KCND2: variants seen among roughly 807,000 people sequenced by gnomAD.
KCND2 encodes A-type voltage-gated potassium channel KCND2.
KCND2 carries 16 observed loss-of-function variants against 54.4 expected under a neutral mutation model. That is an observed-to-expected ratio of 0.29 (90% CI 0.20 to 0.45). KCND2 has a LOEUF of 0.45. Among genes scored for constraint, KCND2 ranks in the 20% least tolerant of loss-of-function variants. KCND2 has a pLI of 1.00. For synonymous variants in KCND2, 317 were observed against 310.7 expected, an observed-to-expected ratio of 1.02 and a Z score of -0.21; for missense variants, 486 against 824.2, an observed-to-expected ratio of 0.59 and a Z score of 5.02.
At chr7:120,372,196 C>A (rs1374685763) in intron 1 of KCND2, among the ~76,000 whole-genome samples, 1 of 151,868 alleles carries the variant, frequency 6.6e-6, no homozygotes, top group Non-Finnish European at 1.5e-5. Context: ...TGATGATACT[C>A]TTATAAGTGT....
intron 1 of KCND2, among the ~76,000 whole-genome samples, chr7:120,291,310 C>G (rs1799431963): frequency 6.6e-6 from 1 of 151,858 alleles, no homozygotes; most frequent in South Asian, 2.1e-4. Context: ...GGTCTTAACA[C>G]TTGAGCTCCC....
intron 1 of KCND2, among the ~76,000 whole-genome samples, chr7:120,630,373 GA>G (rs921384285): frequency 3.9e-5 from 6 of 152,080 alleles, no homozygotes; most frequent in African/African-American, 1.4e-4. Flanking sequence ...TCTTCAATGT[GA>G]AAAAAAGCCT....
intron 1 of KCND2, among the ~76,000 whole-genome samples, chr7:120,726,445 T>C (rs1240907861): frequency 6.6e-6 from 1 of 152,156 alleles, no homozygotes; most frequent in African/African-American, 2.4e-5. Context: ...ATAACATAGA[T>C]ACTCAGACCC....
intron 1 of KCND2, among the ~76,000 whole-genome samples, chr7:120,696,485 C>G (rs1442988730): frequency 6.6e-6 from 1 of 152,170 alleles, no homozygotes; most frequent in African/African-American, 2.4e-5. Context: ...GAACTAAACC[C>G]AAACCATAAA....
At chr7:120,610,909 T>G (rs1335590637) in intron 1 of KCND2, among the ~76,000 whole-genome samples, 1 of 152,200 alleles carries the variant, frequency 6.6e-6, no homozygotes, top group Non-Finnish European at 1.5e-5. Flanking sequence ...CCTTTTGTTC[T>G]CTTCACCCAC....
At chr7:120,566,272 A>G (rs1792296099) in intron 1 of KCND2, among the ~76,000 whole-genome samples, 1 of 152,186 alleles carries the variant, frequency 6.6e-6, no homozygotes, top group Admixed American at 6.5e-5. Flanking sequence ...GGTAAAACAG[A>G]CTGGATATTA....
At chr7:120,658,178 T>C (rs542894884) in intron 1 of KCND2, among the ~76,000 whole-genome samples, 1 of 152,262 alleles carries the variant, frequency 6.6e-6, no homozygotes, top group South Asian at 2.1e-4. Context: ...GAGGTAATTT[T>C]TTTTTCCAGA....
intron 1 of KCND2, among the ~76,000 whole-genome samples, chr7:120,452,791 AC>A (rs2116221348): frequency 6.6e-6 from 1 of 152,232 alleles, no homozygotes; most frequent in East Asian, 1.9e-4. Context: ...GGCCAGTGAT[AC>A]CCATCGCCCA....
intron 1 of KCND2, among the ~76,000 whole-genome samples, chr7:120,369,005 A>G (rs1325017579): frequency 1.3e-5 from 2 of 152,058 alleles, no homozygotes; most frequent in Non-Finnish European, 2.9e-5. Flanking sequence ...CTGTTTGTTC[A>G]CACCAGAGTT....
At chr7:120,629,007 A>G (rs767348523) in intron 1 of KCND2, among the ~76,000 whole-genome samples, 1 of 152,232 alleles carries the variant, frequency 6.6e-6, no homozygotes, top group Non-Finnish European at 1.5e-5. Flanking sequence ...GAGTAATGCT[A>G]TTAAGAAAAA....
At chr7:120,331,219 T>G (rs1017434568) in intron 1 of KCND2, among the ~76,000 whole-genome samples, 8 of 152,122 alleles carry the variant, frequency 5.3e-5, no homozygotes, top group African/African-American at 1.9e-4. Flanking sequence ...AAGATAGTCA[T>G]GTTGCCCAGA....
chr7:120,705,282 G>T (rs548944251), intron 1 of KCND2, among the ~76,000 whole-genome samples: 1 of 152,104 alleles, frequency 6.6e-6, no homozygotes, highest in Non-Finnish European at 1.5e-5. Context: ...TAGATGATCT[G>T]GATGGCTTTT....
At chr7:120,570,176 G>A (rs1328827481) in intron 1 of KCND2, among the ~76,000 whole-genome samples, 1 of 152,114 alleles carries the variant, frequency 6.6e-6, no homozygotes, top group Non-Finnish European at 1.5e-5. Flanking sequence ...AGACAGTTGA[G>A]CCCTAGGGAT....
At chr7:120,647,892 A>G (rs1793462066) in intron 1 of KCND2, among the ~76,000 whole-genome samples, 1 of 152,212 alleles carries the variant, frequency 6.6e-6, no homozygotes, top group African/African-American at 2.4e-5. Context: ...CGGTATATGC[A>G]TAGAAGTATG....
intron 1 of KCND2, among the ~76,000 whole-genome samples, chr7:120,650,961 A>T (rs1320645269): frequency 7.0e-6 from 1 of 142,960 alleles, no homozygotes; most frequent in Non-Finnish European, 1.5e-5. Context: ...TTGCCACCTG[A>T]TCGTTCCTCT....
At chr7:120,486,080 A>G (rs1279663449) in intron 1 of KCND2, among the ~76,000 whole-genome samples, 3 of 152,176 alleles carry the variant, frequency 2.0e-5, no homozygotes, top group Non-Finnish European at 4.4e-5. Flanking sequence ...TTTGATTGCT[A>G]TATATATAAT....
At chr7:120,365,264 A>G (rs1327663558) in intron 1 of KCND2, among the ~76,000 whole-genome samples, 2 of 151,882 alleles carry the variant, frequency 1.3e-5, no homozygotes, top group Non-Finnish European at 2.9e-5. Context: ...GAGCTAATTC[A>G]GGGATACTAA....
intron 1 of KCND2, among the ~76,000 whole-genome samples, chr7:120,525,345 C>T (rs777855481): frequency 6.6e-6 from 1 of 152,172 alleles, no homozygotes; most frequent in Non-Finnish European, 1.5e-5. Context: ...GGGCATGCAA[C>T]TTACCCGCTT....
At chr7:120,516,012 T>G (rs1803191644) in intron 1 of KCND2, among the ~76,000 whole-genome samples, 1 of 152,106 alleles carries the variant, frequency 6.6e-6, no homozygotes, top group African/African-American at 2.4e-5. Flanking sequence ...ACTTTCTTTC[T>G]TCTGATGTAG....
Sources: gnomAD v4.1 joint callset for allele counts (sites outside exome capture counted in the v4.1 genomes callset) on GRCh38, gnomAD v4.1.1 for gene constraint, MANE v1.5 for transcripts, NCBI Gene and HGNC (gene_info 2026-07-23, HGNC 2026-07-21) for gene names.